TTC27: variants seen among roughly 807,000 people sequenced by gnomAD.
The protein encoded by TTC27 is tetratricopeptide repeat protein 27.
TTC27 carries 79 observed loss-of-function variants against 115.9 expected under a neutral mutation model. That is an observed-to-expected ratio of 0.68 (90% CI 0.57 to 0.82). The LOEUF is 0.82. Among genes scored for constraint, TTC27 ranks in the 40% least tolerant of loss-of-function variants. The probability of loss-of-function intolerance (pLI) is 0.00; values close to 1 mark genes in which losing one functional copy is unlikely to be tolerated. For missense variants in TTC27, 1,054 were observed against 993.1 expected, an observed-to-expected ratio of 1.06 and a Z score of -0.82; for synonymous variants, 401 against 356.0, an observed-to-expected ratio of 1.13 and a Z score of -1.42.
At chr2:32,680,374 G>T (rs973897997) in intron 9 of TTC27, among the ~76,000 whole-genome samples, 1 of 152,178 alleles carries the variant, frequency 6.6e-6, no homozygotes, top group Non-Finnish European at 1.5e-5. Flanking sequence ...GGATTTAGCA[G>T]TAAATAAAGC....
intron 2 of TTC27, among the ~76,000 whole-genome samples, chr2:32,631,243 T>C (rs1271741070): frequency 1.3e-5 from 2 of 151,936 alleles, no homozygotes; most frequent in Admixed American, 6.6e-5. Flanking sequence ...GTGGAGGTTG[T>C]AGTGAGCCAA....
At chr2:32,681,045 G>A (rs1320185536) in intron 9 of TTC27, among the ~76,000 whole-genome samples, 1 of 152,098 alleles carries the variant, frequency 6.6e-6, no homozygotes, top group Admixed American at 6.5e-5. Context: ...TCTCCGCTCA[G>A]GCCTTTATGC....
intron 5 of TTC27, among the ~76,000 whole-genome samples, chr2:32,660,751 A>G (rs1572486920): frequency 1.3e-5 from 2 of 151,992 alleles, no homozygotes; most frequent in African/African-American, 2.4e-5. Flanking sequence ...TTCTTTTGCT[A>G]TACAGAAGCT....
At chr2:32,800,310 CTT>C (rs1467764109) in intron 16 of TTC27, among the ~76,000 whole-genome samples, 1 of 151,862 alleles carries the variant, frequency 6.6e-6, no homozygotes, top group African/African-American at 2.4e-5. Flanking sequence ...GCCTCAGCCT[CTT>C]GAGTAGCTGG....
At position 32,684,822 on chromosome 2, in the gene TTC27, C is replaced by T. The variant is rs183273423; in HGVS notation, c.1119+5900C>T. ...ACCTCACAGTATAGAGGAACAAGCA[C>T]AGTGAGACTTAAGCAAAATAAAACG... On this transcript the variant is annotated intron_variant, in intron 9 of 19. Coordinates refer to ENST00000317907, the MANE Select transcript of TTC27 (RefSeq NM_017735.5). 2.7e-5 allele frequency among the ~76,000 whole-genome samples: 4 copies of T among 150,408 alleles called. 1 individual carries two copies. The East Asian group carries it at 7.8e-4, about 29-fold the overall frequency.
chr2:32,650,563 C>T (rs1006909775), intron 5 of TTC27, among the ~76,000 whole-genome samples: 4 of 151,834 alleles, frequency 2.6e-5, no homozygotes, highest in African/African-American at 9.7e-5. Context: ...TAAGAAGCCT[C>T]ATTGGAAACA....
intron 9 of TTC27, among the ~76,000 whole-genome samples, chr2:32,699,501 A>G (rs1559211740): frequency 1.3e-5 from 2 of 152,198 alleles, no homozygotes; most frequent in Non-Finnish European, 2.9e-5. Context: ...TGTTCTCTCC[A>G]TTGCATTTGG....
chr2:32,697,924 G>T (rs1667047976), intron 9 of TTC27, among the ~76,000 whole-genome samples: 1 of 151,892 alleles, frequency 6.6e-6, no homozygotes, highest in African/African-American at 2.4e-5. Flanking sequence ...GTTAATTTTT[G>T]TTATTTTTAA....
chr2:32,708,503 A>T (rs1051717983), intron 10 of TTC27, among the ~76,000 whole-genome samples: 10 of 150,948 alleles, frequency 6.6e-5, no homozygotes, highest in African/African-American at 2.2e-4. Flanking sequence ...GTAGAGACAC[A>T]TTTACCATAT....
chr2:32,791,599 T>A (rs548748398), intron 16 of TTC27, among the ~76,000 whole-genome samples: 2 of 152,240 alleles, frequency 1.3e-5, no homozygotes, highest in African/African-American at 4.8e-5. Context: ...CTTATTTTTT[T>A]CTTTGTCACG....
intron 12 of TTC27, among the ~76,000 whole-genome samples, chr2:32,757,116 G>A (rs1558327744): frequency 6.6e-6 from 1 of 152,070 alleles, no homozygotes; most frequent in East Asian, 1.9e-4. Flanking sequence ...AAAGAGGTAG[G>A]TTTTAAGCAG....
At chr2:32,634,148 A>G (rs1200119738) in intron 3 of TTC27, 143 bp downstream of exon 3, 2 of 1,008,592 alleles carry the variant, frequency 2.0e-6, no homozygotes, top group African/African-American at 3.3e-5. Context: ...TTGTTCATTG[A>G]TCAGATTTTC....
chr2:32,817,678 A>G, intron 19 of TTC27, 121 bp downstream of exon 19: 1 of 853,126 alleles, frequency 1.2e-6, no homozygotes, highest in Non-Finnish European at 1.9e-6. Context: ...TTTATTTAAT[A>G]TAGCAGCCCC....
intron 9 of TTC27, among the ~76,000 whole-genome samples, chr2:32,688,046 T>A (rs1367945989): frequency 6.6e-6 from 1 of 152,122 alleles, no homozygotes; most frequent in African/African-American, 2.4e-5. Flanking sequence ...ATAAAACAAA[T>A]CTGCATAAAT....
At chr2:32,650,332 C>T (rs1221501332) in intron 5 of TTC27, 99 bp downstream of exon 5, 9 of 630,960 alleles carry the variant, frequency 1.4e-5, no homozygotes, top group Non-Finnish European at 2.0e-5. Flanking sequence ...GGTAGTAGTG[C>T]CTTTTCGTTT....
Position 32,630,642 on chromosome 2 carries a change from C to T in TTC27, c.208C>T (p.Leu70=). 1 of 1,613,676 alleles carries T rather than the reference C, an allele frequency of 6.2e-7. No homozygotes were observed. Among genetic ancestry groups the T allele is most frequent in the Non-Finnish European group, 8.5e-7 (1 of 1,179,884 alleles). The change falls in exon 2 of 20, where the codon CTG becomes TTG. Residue 70 remains leucine, a synonymous_variant. Coordinates refer to ENST00000317907, the MANE Select transcript of TTC27 (RefSeq NM_017735.5). ...TTAEEKIDSY[L]EKQVVTFLDY... ...CGCTGAAGAAAAGATTGATAGCTACCTGGAGAAGCAGGTAGTAACATTCCT... is the reference window on the plus strand; with the variant it reads ...CGCTGAAGAAAAGATTGATAGCTACTTGGAGAAGCAGGTAGTAACATTCCT...
intron 12 of TTC27, among the ~76,000 whole-genome samples, chr2:32,737,088 A>G (rs543243758): frequency 6.6e-6 from 1 of 152,286 alleles, no homozygotes; most frequent in South Asian, 2.1e-4. Context: ...TCAAAGCGAA[A>G]TATTTGGAAT....
intron 13 of TTC27, among the ~76,000 whole-genome samples, chr2:32,759,814 A>G (rs1669372595): frequency 6.6e-6 from 1 of 152,194 alleles, no homozygotes; most frequent in Non-Finnish European, 1.5e-5. Flanking sequence ...GATTTTTACT[A>G]GGTAACTTGT....
At chr2:32,691,429 G>C (rs1032865996) in intron 9 of TTC27, among the ~76,000 whole-genome samples, 2 of 151,536 alleles carry the variant, frequency 1.3e-5, no homozygotes, top group African/African-American at 4.9e-5. Context: ...CTTCCAAGTA[G>C]CTGGGATTAC....
Sources: allele counts gnomAD v4.1 joint callset (sites outside exome capture counted in the v4.1 genomes callset), GRCh38; gene constraint gnomAD v4.1.1; transcripts MANE v1.5; gene names NCBI Gene and HGNC (gene_info 2026-07-23, HGNC 2026-07-21).